The following PSKH2 variants were observed in gnomAD, a reference collection of about 807,000 sequenced individuals.
PSKH2 encodes protein serine kinase H2.
Under a neutral mutation model 22.5 loss-of-function variants are expected in PSKH2, and 16 were observed. The ratio of observed to expected loss-of-function variants is 0.71; its 90% confidence interval spans 0.48 to 1.08. The LOEUF (loss-of-function observed/expected upper bound fraction) is 1.08, where lower values mean the gene tolerates loss of function less well. Among genes scored for constraint, PSKH2 ranks in the 50% least tolerant of loss-of-function variants. The pLI, the probability that PSKH2 is intolerant of heterozygous loss-of-function variation, is 0.00. For missense variants in PSKH2, 516 were observed against 492.8 expected (o/e 1.05, Z -0.44); for synonymous variants, 188 against 184.8 (o/e 1.02, Z -0.14).
In PSKH2 at chr8:86,047,424, G is replaced by GA. The variant is rs1817542412; in HGVS notation, c.*1037dup. 6.6e-6 allele frequency among the ~76,000 whole-genome samples: 1 copy of GA among 151,864 alleles called. No homozygotes were observed. The highest frequency in any genetic ancestry group is 1.9e-4 in the East Asian group (1 of 5,166). On this transcript the variant is annotated 3_prime_UTR_variant, in exon 3 of 3. Coordinates refer to ENST00000276616, the MANE Select transcript of PSKH2 (RefSeq NM_033126.3). ...ATAGCCTAAAAGAGAAAAATAAAATGAAAAAATTGAGACTGATTTTAAAGT... is the reference window on the plus strand; with the variant it reads ...ATAGCCTAAAAGAGAAAAATAAAATGAAAAAAATTGAGACTGATTTTAAAGT...
At chr8:86,067,160 T>C (rs961966917) in intron 1 of PSKH2, among the ~76,000 whole-genome samples, 1 of 152,130 alleles carries the variant, frequency 6.6e-6, no homozygotes, top group Non-Finnish European at 1.5e-5. Flanking sequence ...TTCCAATATT[T>C]GAAAAAATGC....
chr8:86,060,412 A>G (rs556709516), intron 2 of PSKH2, among the ~76,000 whole-genome samples: 48 of 152,000 alleles, frequency 3.2e-4, no homozygotes, highest in Non-Finnish European at 4.7e-4. Flanking sequence ...GGTTTTAAAT[A>G]AAATTGGTAC....
At position 86,064,040 on chromosome 8, in the gene PSKH2, G is replaced by A; in HGVS notation, c.777C>T (p.Phe259=). 6.2e-7 allele frequency: 1 copy of A among 1,614,070 alleles called. No homozygotes were observed. The highest frequency in any genetic ancestry group is 1.1e-5 in the South Asian group (1 of 91,072). ...TCTGGCTTTCATCATCAAAAGGCAG[G>A]AATCCGCTAAGTAAAGCATATGTGA... ...GVITYALLSG[F]LPFDDESQTR... The change falls in exon 2 of 3, where the codon TTC becomes TTT. Residue 259 remains phenylalanine (F), a synonymous_variant. Transcript: ENST00000276616.
upstream of PSKH2, among the ~76,000 whole-genome samples, chr8:86,069,900 G>A (rs1460589113): frequency 6.6e-6 from 1 of 152,146 alleles, no homozygotes; most frequent in Non-Finnish European, 1.5e-5. Flanking sequence ...TTCACTTTCT[G>A]CATCTCTAAC....
intron 2 of PSKH2, among the ~76,000 whole-genome samples, chr8:86,059,610 A>G (rs1169097961): frequency 2.6e-5 from 4 of 152,174 alleles, no homozygotes; most frequent in Non-Finnish European, 5.9e-5. Flanking sequence ...TACTATGAAG[A>G]AACTTGTGAT....
chr8:86,063,830 G>A, intron 2 of PSKH2, 135 bp downstream of exon 2: 1 of 661,952 alleles, frequency 1.5e-6, no homozygotes, highest in Non-Finnish European at 2.5e-6. Flanking sequence ...TAGAGTAGAG[G>A]GCAGTGATGC....
At chr8:86,053,709 A>G (rs1220092445) in intron 2 of PSKH2, among the ~76,000 whole-genome samples, 1 of 152,196 alleles carries the variant, frequency 6.6e-6, no homozygotes, top group Non-Finnish European at 1.5e-5. Flanking sequence ...AATATTTCTC[A>G]GTTCCTTTGC....
intron 2 of PSKH2, among the ~76,000 whole-genome samples, chr8:86,054,459 T>A (rs1303303135): frequency 6.6e-6 from 1 of 152,216 alleles, no homozygotes; most frequent in African/African-American, 2.4e-5. Context: ...AACTGATTAC[T>A]CTCTATGACT....
rs762157144 is a variant in PSKH2, at chr8:86,069,555, C to G, written c.68G>C (p.Gly23Ala). 2 of 1,608,178 alleles carry G rather than the reference C, an allele frequency of 1.2e-6. No homozygotes were observed. The highest frequency in any genetic ancestry group is 3.4e-5 in the Admixed American group (2 of 59,606). Residue 23 changes from glycine (G) to alanine (A), a missense_variant, in exon 1 of 3, where the codon GGT becomes GCT. Transcript: ENST00000276616. ...PPALAWAKHE[G>A]QNQAGVGGAG... ...GCCTCCGACGCCGGCTTGGTTTTGA[C>G]CTTCGTGCTTGGCCCAAGCCAGCGC...
chr8:86,048,779 A>G lies in PSKH2; in HGVS notation c.853-12T>C. The G allele has an allele frequency of 6.3e-7, 1 of 1,578,822 alleles. No individual in the cohort carries two copies. Among genetic ancestry groups the G allele is most frequent in the Non-Finnish European group, 8.6e-7 (1 of 1,159,498 alleles). ...ATGCTTGGCCAAGGCTGAGAATAAA[A>G]ATAAATAAGTTAGAATAAAATAAAT... is the stretch of plus-strand genomic sequence containing the variant. On this transcript the variant is annotated splice_polypyrimidine_tract_variant and intron_variant, in intron 2 of 2. Coordinates refer to ENST00000276616, the MANE Select transcript of PSKH2 (RefSeq NM_033126.3).
chr8:86,057,362 ATTTGTT>A (rs527575498), intron 2 of PSKH2, among the ~76,000 whole-genome samples: 24 of 146,386 alleles, frequency 1.6e-4, no homozygotes, highest in Admixed American at 4.1e-4. Flanking sequence ...GTTTGTTTTC[ATTTGTT>A]TTTGTTTTTG....
intron 2 of PSKH2, among the ~76,000 whole-genome samples, chr8:86,050,904 G>C (rs1817621222): frequency 6.6e-6 from 1 of 151,936 alleles, no homozygotes; most frequent in Non-Finnish European, 1.5e-5. Flanking sequence ...TTTGTTTTTT[G>C]TTGTTTTGTT....
intron 2 of PSKH2, among the ~76,000 whole-genome samples, chr8:86,058,308 A>G (rs1313993369): frequency 1.3e-5 from 2 of 152,222 alleles, no homozygotes; most frequent in African/African-American, 4.8e-5. Context: ...TGCAAAACCC[A>G]GTGAATACAG....
Position 86,061,420 on chromosome 8 carries a change from G to A in PSKH2, c.852+2545C>T, listed in dbSNP as rs60405506. Among the ~76,000 whole-genome samples, 920 of 152,066 alleles carry A rather than the reference G, an allele frequency of 6.0e-3. 8 individuals carry two copies. The highest frequency in any genetic ancestry group is 0.021 in the African/African-American group (875 of 41,454). The stretch of plus-strand genomic sequence containing the variant: ...AGTCCAAATATGGCCCAAATGGACC[G>A]CACCCCCATATCACACTCTGTGTAG... On this transcript the variant is annotated intron_variant, in intron 2 of 2. Transcript: ENST00000276616.
At chr8:86,057,670 A>G (rs1817721208) in intron 2 of PSKH2, among the ~76,000 whole-genome samples, 1 of 152,210 alleles carries the variant, frequency 6.6e-6, no homozygotes, top group South Asian at 2.1e-4. Context: ...GATTACAGGC[A>G]TGAGCCACCA....
Position 86,054,479 on chromosome 8 carries a change from G to A in PSKH2, c.853-5712C>T, listed in dbSNP as rs1387670667. Among the ~76,000 whole-genome samples, 7 of 152,140 alleles carry A rather than the reference G, an allele frequency of 4.6e-5. No homozygotes were observed. In the East Asian group the frequency reaches 9.6e-4, roughly 21 times the overall value. ...ATTACTCTCTATGACTTTGTTAGTA[G>A]TAGGCATGGCAAAAATTATTCTTCC... On this transcript the variant is annotated intron_variant, in intron 2 of 2. Transcript: ENST00000276616.
intron 1 of PSKH2, among the ~76,000 whole-genome samples, chr8:86,066,107 C>T (rs1817853227): frequency 1.3e-5 from 2 of 151,970 alleles, no homozygotes. Context: ...GGGTATTTAA[C>T]CCAACTTCTT....
intron 2 of PSKH2, among the ~76,000 whole-genome samples, chr8:86,052,031 G>A (rs1024789732): frequency 1.3e-5 from 2 of 152,006 alleles, no homozygotes; most frequent in African/African-American, 4.8e-5. Flanking sequence ...TTTCATCTAT[G>A]TTTAGTAAAG....
chr8:86,065,522 CA>C (rs1817843130), intron 1 of PSKH2, among the ~76,000 whole-genome samples: 1 of 151,994 alleles, frequency 6.6e-6, no homozygotes, highest in African/African-American at 2.4e-5. Flanking sequence ...ACAAAAAGGC[CA>C]AGAACATATG....
Sources: gnomAD v4.1 joint callset for allele counts (sites outside exome capture counted in the v4.1 genomes callset) on GRCh38, gnomAD v4.1.1 for gene constraint, MANE v1.5 for transcripts, NCBI Gene and HGNC (gene_info 2026-07-23, HGNC 2026-07-21) for gene names.